Variants in RAB38 observed in about 807,000 individuals in gnomAD.
RAB38 encodes RAB38, member RAS oncogene family, also known as ras-related protein Rab-38.
Under a neutral mutation model 18.4 loss-of-function variants are expected in RAB38, and 15 were observed. The observed-to-expected ratio is 0.82, with a 90% confidence interval of 0.55 to 1.26. RAB38 has a LOEUF of 1.26. Among genes scored for constraint, RAB38 ranks in the 50% most tolerant of loss-of-function variants. The pLI is 0.00. For missense variants in RAB38, 294 were observed against 267.4 expected, an observed-to-expected ratio of 1.10 and a Z score of -0.69; for synonymous variants, 101 against 104.4, an observed-to-expected ratio of 0.97 and a Z score of 0.20.
chr11:87,878,212 T>C, the RAB38 span, among the ~76,000 whole-genome samples: 1 of 119,016 alleles, frequency 8.4e-6, no homozygotes, highest in East Asian at 2.1e-4. Context: ...AACATATATA[T>C]ATATATATAT....
At chr11:87,916,065 C>T in the RAB38 span, among the ~76,000 whole-genome samples, 2 of 152,084 alleles carry the variant, frequency 1.3e-5, no homozygotes, top group South Asian at 4.1e-4. Flanking sequence ...AAGTAAATAA[C>T]TTTTATTTTA....
the RAB38 span, among the ~76,000 whole-genome samples, chr11:88,097,364 T>G: frequency 6.6e-6 from 1 of 151,882 alleles, no homozygotes; most frequent in African/African-American, 2.4e-5. Flanking sequence ...CCAAAGAGTT[T>G]ATAAACTGTC....
chr11:88,028,321 C>G, the RAB38 span, among the ~76,000 whole-genome samples: 1 of 152,154 alleles, frequency 6.6e-6, no homozygotes, highest in African/African-American at 2.4e-5. Flanking sequence ...AAGCAGAGCG[C>G]CTCTCCTCCT....
chr11:87,977,352 ATATAAG>A, the RAB38 span, among the ~76,000 whole-genome samples: 333 of 118,720 alleles, frequency 2.8e-3, 5 homozygotes, highest in African/African-American at 0.01. Context: ...ATTATATATT[ATATAAG>A]TATATTATAA....
the RAB38 span, among the ~76,000 whole-genome samples, chr11:88,027,742 A>G: frequency 5.3e-5 from 8 of 152,336 alleles, no homozygotes; most frequent in South Asian, 1.7e-3. Context: ...GGTGGAGCCC[A>G]CCACAGCTCA....
At chr11:88,112,317 C>A (rs959081988), downstream of RAB38, among the ~76,000 whole-genome samples, 8 of 152,150 alleles carry the variant, frequency 5.3e-5, no homozygotes, top group African/African-American at 1.9e-4. Context: ...GAAATGGGGG[C>A]AGAACTTGAT....
At chr11:87,844,566 A>G in the RAB38 span, among the ~76,000 whole-genome samples, 1 of 152,180 alleles carries the variant, frequency 6.6e-6, no homozygotes, top group Admixed American at 6.6e-5. Flanking sequence ...AGTCTATACT[A>G]CTAACCACTA....
intron 2 of RAB38, chr11:88,115,655 A>G (rs191069673): frequency 3.9e-5 from 6 of 152,200 alleles, no homozygotes; most frequent in Admixed American, 3.9e-4. Context: ...TTTTTTGCTT[A>G]TTATATTATT....
chr11:87,851,641 G>T, the RAB38 span, among the ~76,000 whole-genome samples: 1 of 152,164 alleles, frequency 6.6e-6, no homozygotes, highest in African/African-American at 2.4e-5. Flanking sequence ...TAGCTGGGGA[G>T]GGAGGGTAGT....
chr11:87,836,892 T>C, the RAB38 span, among the ~76,000 whole-genome samples: 1 of 152,204 alleles, frequency 6.6e-6, no homozygotes, highest in Non-Finnish European at 1.5e-5. Context: ...TGTCACCCAC[T>C]CTTTCTTCCT....
At chr11:87,804,225 T>A in the RAB38 span, among the ~76,000 whole-genome samples, 3 of 152,204 alleles carry the variant, frequency 2.0e-5, no homozygotes, top group African/African-American at 4.8e-5. Flanking sequence ...GTTTTTACTT[T>A]CTTTACTTTC....
At chr11:88,058,179 AT>A in the RAB38 span, among the ~76,000 whole-genome samples, 1 of 152,170 alleles carries the variant, frequency 6.6e-6, no homozygotes, top group Non-Finnish European at 1.5e-5. Context: ...GGATACTTTA[AT>A]TTAATTAACA....
chr11:87,939,684 C>A, the RAB38 span, among the ~76,000 whole-genome samples: 1 of 151,634 alleles, frequency 6.6e-6, no homozygotes, highest in Admixed American at 6.6e-5. Context: ...ATGGTGAGAC[C>A]CCCTCTGTAC....
At chr11:88,025,402 C>A in the RAB38 span, among the ~76,000 whole-genome samples, 2 of 151,996 alleles carry the variant, frequency 1.3e-5, 1 homozygote. Flanking sequence ...TACCGAGTAA[C>A]GGGATTGCTA....
At chr11:88,097,503 C>T in the RAB38 span, among the ~76,000 whole-genome samples, 1 of 151,784 alleles carries the variant, frequency 6.6e-6, no homozygotes, top group Admixed American at 6.6e-5. Context: ...CCTCCCAAAA[C>T]ACAGCCAGGA....
chr11:88,013,341 T>C, the RAB38 span, among the ~76,000 whole-genome samples: 2 of 152,178 alleles, frequency 1.3e-5, no homozygotes, highest in African/African-American at 4.8e-5. Flanking sequence ...TCAATTTCTT[T>C]TGTTCAGAGT....
the RAB38 span, among the ~76,000 whole-genome samples, chr11:88,052,923 TATATATATATA>T: frequency 5.1e-4 from 12 of 23,678 alleles, 2 homozygotes; most frequent in African/African-American, 2.3e-3. Flanking sequence ...TATATATATA[TATATATATATA>T]TATATATATA....
chr11:87,829,138 A>C, the RAB38 span, among the ~76,000 whole-genome samples: 1 of 152,356 alleles, frequency 6.6e-6, no homozygotes, highest in East Asian at 1.9e-4. Flanking sequence ...CCTGCAAAGG[A>C]GTTGGTATTT....
At chr11:87,907,422 A>G in the RAB38 span, among the ~76,000 whole-genome samples, 1 of 151,978 alleles carries the variant, frequency 6.6e-6, no homozygotes, top group Admixed American at 6.6e-5. Flanking sequence ...TGTTTAAAGT[A>G]GAATCAAGAG....
Sources: gnomAD v4.1 joint callset for allele counts (sites outside exome capture counted in the v4.1 genomes callset) on GRCh38, gnomAD v4.1.1 for gene constraint, MANE v1.5 for transcripts, NCBI Gene and HGNC (gene_info 2026-07-23, HGNC 2026-07-21) for gene names.